KDM4A: variants seen among roughly 807,000 people sequenced by gnomAD.
The protein encoded by KDM4A is lysine-specific demethylase 4A.
A neutral mutation model predicts 127.1 loss-of-function variants in KDM4A; 23 were observed. The ratio of observed to expected loss-of-function variants is 0.18; its 90% CI spans 0.13 to 0.26. KDM4A has a LOEUF of 0.26. Among genes scored for constraint, KDM4A ranks in the 10% least tolerant of loss-of-function variants. The pLI, the probability that KDM4A is intolerant of heterozygous loss-of-function variation, is 1.00. For synonymous variants in KDM4A, 443 were observed against 466.5 expected (o/e 0.95, Z 0.65); for missense variants, 890 against 1,329.1 (o/e 0.67, Z 5.14).
intron 11 of KDM4A, among the ~76,000 whole-genome samples, chr1:43,672,529 C>A (rs1384346285): frequency 7.1e-6 from 1 of 140,782 alleles, no homozygotes; most frequent in East Asian, 2.2e-4. Context: ...GGGTCTCGCT[C>A]TGTTGCCCAG....
intron 1 of KDM4A, chr1:43,650,479 A>ATT (rs1454933382): frequency 6.6e-6 from 1 of 151,808 alleles, no homozygotes; most frequent in Non-Finnish European, 1.5e-5. Flanking sequence ...TCTGGGCCTT[A>ATT]TTTTCTTCTT....
intron 12 of KDM4A, among the ~76,000 whole-genome samples, chr1:43,687,483 T>C (rs533135122): frequency 1.3e-5 from 2 of 152,312 alleles, no homozygotes; most frequent in African/African-American, 2.4e-5. Flanking sequence ...CCCCGTGTGA[T>C]GGGGCTGGCA....
intron 13 of KDM4A, chr1:43,690,478 C>T: frequency 2.9e-6 from 1 of 340,636 alleles, no homozygotes; most frequent in Non-Finnish European, 5.7e-6. Context: ...GGACTCCTGA[C>T]CTCTGGTGAT....
chr1:43,703,791 T>G, intron 20 of KDM4A, 55 bp downstream of exon 20: 1 of 1,607,630 alleles, frequency 6.2e-7, no homozygotes, highest in East Asian at 2.2e-5. Context: ...AATTCTGTGC[T>G]TCCTGTTGGG....
chr1:43,657,753 T>TTC (rs1660279756), intron 3 of KDM4A, among the ~76,000 whole-genome samples: 1 of 44,204 alleles, frequency 2.3e-5, no homozygotes, highest in African/African-American at 2.1e-4. Context: ...TTCTTTTCTT[T>TTC]TTTTTTTTTT....
intron 19 of KDM4A, among the ~76,000 whole-genome samples, chr1:43,699,158 TG>T (rs1254146877): frequency 6.6e-6 from 1 of 151,360 alleles, no homozygotes; most frequent in Non-Finnish European, 1.5e-5. Context: ...GTGCAGTGGC[TG>T]TATCATAGCT....
intron 10 of KDM4A, among the ~76,000 whole-genome samples, chr1:43,669,895 C>T (rs147078686): frequency 1.6e-3 from 245 of 152,132 alleles, no homozygotes; most frequent in African/African-American, 5.3e-3. Context: ...TCAGGTGATC[C>T]GCCTGCCTCG....
intron 11 of KDM4A, among the ~76,000 whole-genome samples, chr1:43,674,135 G>A (rs1208655161): frequency 6.6e-6 from 1 of 152,132 alleles, no homozygotes; most frequent in Non-Finnish European, 1.5e-5. Context: ...TAGAGATGGG[G>A]TTTCAACATG....
At chr1:43,654,310 G>A (rs905429518) in intron 2 of KDM4A, among the ~76,000 whole-genome samples, 11 of 152,180 alleles carry the variant, frequency 7.2e-5, no homozygotes, top group African/African-American at 1.9e-4. Context: ...CTCCAGTGCC[G>A]TCTCCTTAAG....
intron 11 of KDM4A, among the ~76,000 whole-genome samples, chr1:43,674,086 G>A (rs1472512789): frequency 6.6e-6 from 1 of 152,090 alleles, no homozygotes; most frequent in Admixed American, 6.5e-5. Context: ...GGGACTACAG[G>A]TGCACACCAC....
At position 43,690,831 on chromosome 1, in the gene KDM4A, T is replaced by C; in HGVS notation, c.2038-14T>C. On this transcript the variant is annotated splice_polypyrimidine_tract_variant and intron_variant, in intron 13 of 21. Coordinates refer to ENST00000372396, the MANE Select transcript of KDM4A (RefSeq NM_014663.3). ...ACGTGCTCACTGAGGTGTACACTTG[T>C]TCTTTCCCCTTAGGTTGAATTTGGA... The C allele has an allele frequency of 6.2e-7, 1 of 1,613,616 alleles. No individual in the cohort carries two copies. Among genetic ancestry groups the C allele is most frequent in the East Asian group, 2.2e-5 (1 of 44,884 alleles).
chr1:43,690,543 T>G lies in KDM4A; in HGVS notation c.2038-302T>G, dbSNP rs574602216. The G allele has an allele frequency of 1.2e-3, 504 of 432,682 alleles. 6 individuals are homozygous for G. The highest frequency in any genetic ancestry group is 7.5e-3 in the South Asian group (335 of 44,872). 26.8% of individuals were successfully genotyped at this position (432,682 alleles called of 1,614,324 possible). A position where few individuals can be genotyped will look rare whatever the true frequency, so the allele number is the denominator to read the frequency against. On this transcript the variant is annotated intron_variant, in intron 13 of 21. Coordinates refer to ENST00000372396, the MANE Select transcript of KDM4A (RefSeq NM_014663.3). ...AATTACAGGCGTGAGCCACCTCACC[T>G]GGCCTCTCAGTGCATTTTATTAACC...
At position 43,679,126 on chromosome 1, in the gene KDM4A, A is replaced by G. The variant is rs1660803262; in HGVS notation, c.1735-4558A>G. Among the ~76,000 whole-genome samples the G allele has an allele frequency of 6.6e-5, 10 of 152,142 alleles. 1 individual carries two copies. The highest frequency in any genetic ancestry group is 6.5e-4 in the Admixed American group (10 of 15,268). ...CTTTTCAAAAGCCACTACTCTTAGA[A>G]ACACTTCATTGCTTTCCATCTAGTT... On this transcript the variant is annotated intron_variant, in intron 11 of 21. Transcript: ENST00000372396.
chr1:43,677,344 C>CAAAAA (rs35771419), intron 11 of KDM4A, among the ~76,000 whole-genome samples: 1 of 65,836 alleles, frequency 1.5e-5, no homozygotes, highest in African/African-American at 4.5e-5. Context: ...GACTCCATCT[C>CAAAAA]AAAAAAAAAA....
chr1:43,689,169 TA>T (rs749040456), intron 13 of KDM4A, 74 bp downstream of exon 13: 34 of 1,481,210 alleles, frequency 2.3e-5, no homozygotes, highest in Non-Finnish European at 3.2e-5. Flanking sequence ...TGTGAGTATA[TA>T]GCTTGTCACT....
intron 2 of KDM4A, chr1:43,653,871 C>T (rs1303672243): frequency 1.3e-5 from 2 of 152,222 alleles, no homozygotes; most frequent in African/African-American, 4.8e-5. Context: ...AGGTTGAGTG[C>T]TGGAAGCTGA....
rs889477319 is a variant in KDM4A, at chr1:43,693,174, T to C, written c.2376-820T>C. On this transcript the variant is annotated intron_variant, in intron 16 of 21. Transcript: ENST00000372396. The surrounding 1 kb of genome is among the most constrained non-coding windows in gnomAD (Gnocchi z 4.2). Reference sequence around the variant, plus strand: ...ATAGTGCTGGGAACATTCTTTCTTATTTGGAGTGGAAATGGCTGTGCTTGA... The same window carrying C: ...ATAGTGCTGGGAACATTCTTTCTTACTTGGAGTGGAAATGGCTGTGCTTGA... Among the ~76,000 whole-genome samples, 4 of 152,168 alleles carry C rather than the reference T, an allele frequency of 2.6e-5. No individual in the cohort carries two copies. Among genetic ancestry groups the C allele is most frequent in the Non-Finnish European group, 5.9e-5 (4 of 68,026 alleles).
chr1:43,666,857 C>T, intron 7 of KDM4A, 97 bp from the exon 8 acceptor site: 8 of 1,258,794 alleles, frequency 6.4e-6, no homozygotes, highest in Non-Finnish European at 9.1e-6. Context: ...TTATGACTTA[C>T]CCTTTGTTAC....
chr1:43,661,556 C>T (rs1330825606), intron 4 of KDM4A, among the ~76,000 whole-genome samples: 1 of 139,012 alleles, frequency 7.2e-6, no homozygotes, highest in Non-Finnish European at 1.5e-5. Context: ...TTGCAGTGAG[C>T]CGAGATTGCA....
Sources: allele counts gnomAD v4.1 joint callset (sites outside exome capture counted in the v4.1 genomes callset), GRCh38; gene constraint gnomAD v4.1.1; non-coding constraint Gnocchi (gnomAD v3.1); transcripts MANE v1.5; gene names NCBI Gene and HGNC (gene_info 2026-07-23, HGNC 2026-07-21).